RBFOX1: variants seen among roughly 807,000 people sequenced by gnomAD.
The protein encoded by RBFOX1 is RNA binding protein fox-1 homolog 1.
Under a neutral mutation model 57.7 loss-of-function variants are expected in RBFOX1, and 8 were observed. That is an observed-to-expected ratio of 0.14 (90% confidence interval 0.08 to 0.25). RBFOX1 has a LOEUF of 0.25. Ranked by LOEUF, RBFOX1 falls within the 10% of genes least tolerant of loss-of-function variation. The pLI is 1.00. For synonymous variants in RBFOX1, 326 were observed against 222.4 expected (o/e 1.47, Z -4.15); for missense variants, 611 against 548.5 (o/e 1.11, Z -1.14).
intron 1 of RBFOX1, among the ~76,000 whole-genome samples, chr16:5,421,373 T>C (rs566532270): frequency 6.6e-6 from 1 of 152,342 alleles, no homozygotes; most frequent in Non-Finnish European, 1.5e-5. Flanking sequence ...GTCTGGCTTC[T>C]TTCTCCTCTA....
At chr16:6,483,130 C>T (rs2095400294) in intron 2 of RBFOX1, 1 of 1,045,096 alleles carries the variant, frequency 9.6e-7, no homozygotes, top group African/African-American at 1.7e-5. Flanking sequence ...CACTGCCTTC[C>T]CCCAGCTGCA....
chr16:6,531,456 A>T (rs1047034330), intron 2 of RBFOX1, among the ~76,000 whole-genome samples: 1 of 152,208 alleles, frequency 6.6e-6, no homozygotes, highest in African/African-American at 2.4e-5. Context: ...GGATGTCCTG[A>T]TTATGATTAC....
intron 3 of RBFOX1, among the ~76,000 whole-genome samples, chr16:5,782,274 G>A (rs2054347856): frequency 6.6e-6 from 1 of 152,166 alleles, no homozygotes; most frequent in Admixed American, 6.5e-5. Context: ...AGCACGTTTG[G>A]TATCTGATGA....
At chr16:6,914,992 C>G (rs1484599060) in intron 3 of RBFOX1, among the ~76,000 whole-genome samples, 1 of 152,192 alleles carries the variant, frequency 6.6e-6, no homozygotes, top group African/African-American at 2.4e-5. Flanking sequence ...AGCACTATTG[C>G]CAGGCAGCAA....
chr16:5,806,461 C>T (rs1865819), intron 3 of RBFOX1, among the ~76,000 whole-genome samples: 101,009 of 152,062 alleles, frequency 0.66, 33,926 homozygotes, highest in African/African-American at 0.77. Context: ...AGCCCTGTTA[C>T]AAGGGATCAA....
At chr16:6,643,838 A>G (rs1280469778) in intron 2 of RBFOX1, among the ~76,000 whole-genome samples, 2 of 57,168 alleles carry the variant, frequency 3.5e-5, no homozygotes, top group East Asian at 1.8e-3. Context: ...TTAAAAAATC[A>G]TATAAGGCTG....
At chr16:7,270,622 G>A (rs1052266993) in intron 4 of RBFOX1, among the ~76,000 whole-genome samples, 2 of 152,186 alleles carry the variant, frequency 1.3e-5, no homozygotes, top group African/African-American at 4.8e-5. Flanking sequence ...TTAAAATTCA[G>A]TGTTTAAAAT....
rs113467981 is a variant in RBFOX1, at chr16:5,453,108, C to T, written c.220-14108C>T. ...CCTCTAATCTTTTCAGTCGATTGAT[C>T]AGTCAGTCAGTCTATCCCTACCTTC... is the stretch of plus-strand genomic sequence containing the variant. On this transcript the variant is annotated intron_variant, in intron 1 of 2. Transcript: ENST00000585867. Among the ~76,000 whole-genome samples the T allele has an allele frequency of 1.8e-3, 273 of 151,924 alleles. 2 individuals are homozygous for T. The highest frequency in any genetic ancestry group is 3.0e-3 in the Non-Finnish European group (204 of 67,982).
intron 3 of RBFOX1, among the ~76,000 whole-genome samples, chr16:7,021,695 C>A (rs970523017): frequency 6.7e-6 from 1 of 149,114 alleles, no homozygotes; most frequent in East Asian, 2.0e-4. Context: ...ATTAAGTGTC[C>A]ATCATAGTAT....
At chr16:5,352,054 C>T (rs1248821837) in intron 1 of RBFOX1, among the ~76,000 whole-genome samples, 10 of 152,186 alleles carry the variant, frequency 6.6e-5, no homozygotes, top group Non-Finnish European at 1.3e-4. Flanking sequence ...GATCCACCCG[C>T]CTCAGCCTCC....
At chr16:5,445,385 T>C (rs2068211179) in intron 1 of RBFOX1, among the ~76,000 whole-genome samples, 1 of 152,214 alleles carries the variant, frequency 6.6e-6, no homozygotes, top group South Asian at 2.1e-4. Context: ...CATCTTTGCT[T>C]GACTGTGAGC....
chr16:6,457,173 C>A (rs2094794190), intron 2 of RBFOX1, among the ~76,000 whole-genome samples: 1 of 151,992 alleles, frequency 6.6e-6, no homozygotes, highest in Non-Finnish European at 1.5e-5. Context: ...GAGACGTTTC[C>A]CAGAGGAGAA....
chr16:5,424,799 G>T (rs2067464086), intron 1 of RBFOX1, among the ~76,000 whole-genome samples: 1 of 151,150 alleles, frequency 6.6e-6, no homozygotes, highest in Non-Finnish European at 1.5e-5. Flanking sequence ...CCAGGCTCAT[G>T]GTGTCTGTTT....
intron 3 of RBFOX1, among the ~76,000 whole-genome samples, chr16:7,030,789 C>T (rs73538948): frequency 0.037 from 5,605 of 152,222 alleles, 370 homozygotes; most frequent in African/African-American, 0.13. Flanking sequence ...CTAATTAAGG[C>T]CCTCAAATAA....
At chr16:7,577,060 G>A (rs1246745076) in intron 5 of RBFOX1, among the ~76,000 whole-genome samples, 2 of 152,228 alleles carry the variant, frequency 1.3e-5, no homozygotes, top group Non-Finnish European at 2.9e-5. Flanking sequence ...TTGGGTTTCA[G>A]TGTTACAGTG....
intron 4 of RBFOX1, among the ~76,000 whole-genome samples, chr16:7,491,187 A>C (rs1344580164): frequency 6.6e-6 from 1 of 151,720 alleles, no homozygotes; most frequent in South Asian, 2.1e-4. Flanking sequence ...TCAACCACCC[A>C]CTTACCCATC....
At chr16:5,448,099 CTT>C (rs1257331442) in intron 1 of RBFOX1, among the ~76,000 whole-genome samples, 2 of 152,172 alleles carry the variant, frequency 1.3e-5, no homozygotes, top group Non-Finnish European at 2.9e-5. Flanking sequence ...CTGGATATGT[CTT>C]TTGACATCCT....
rs181878160 is a variant in RBFOX1, at chr16:6,634,910, T to A, written c.-63-19693T>A. On this transcript the variant is annotated intron_variant, in intron 2 of 15. Coordinates refer to ENST00000550418, the MANE Select transcript of RBFOX1 (RefSeq NM_018723.4). ...ATTAAAAATACACATGTATATATTT[T>A]AATTTATATAATATAATATAATTTA... Among the ~76,000 whole-genome samples, 752 of 138,722 alleles carry A rather than the reference T, an allele frequency of 5.4e-3. 5 individuals carry two copies. The highest frequency in any genetic ancestry group is 0.018 in the African/African-American group (716 of 39,026). The allele number at this position is 138,722 out of a possible 152,430, so 91.0% of individuals were successfully genotyped here.
intron 3 of RBFOX1, among the ~76,000 whole-genome samples, chr16:5,663,080 G>C (rs1327527080): frequency 1.3e-5 from 2 of 152,176 alleles, no homozygotes; most frequent in Non-Finnish European, 2.9e-5. Context: ...GTGTGTTGCT[G>C]ACATGTGGTA....
Sources: allele counts gnomAD v4.1 joint callset (sites outside exome capture counted in the v4.1 genomes callset), GRCh38; gene constraint gnomAD v4.1.1; transcripts MANE v1.5; gene names NCBI Gene and HGNC (gene_info 2026-07-23, HGNC 2026-07-21).